Variants in FNDC3A observed in about 807,000 individuals in gnomAD.
The protein encoded by FNDC3A is fibronectin type-III domain-containing protein 3A.
FNDC3A carries 32 observed loss-of-function variants against 148.9 expected under a neutral mutation model. That is an observed-to-expected ratio of 0.21 (90% CI 0.16 to 0.29). The LOEUF is 0.29. FNDC3A is among the 10% of genes least tolerant of loss of function. The probability of loss-of-function intolerance (pLI) is 1.00; values close to 1 mark genes in which losing one functional copy is unlikely to be tolerated. For synonymous variants in FNDC3A, 472 were observed against 473.6 expected, an observed-to-expected ratio of 1.00 and a Z score of 0.04; for missense variants, 1,191 against 1,452.8, an observed-to-expected ratio of 0.82 and a Z score of 2.93.
chr13:49,037,572 AC>A (rs1212373556), intron 2 of FNDC3A, among the ~76,000 whole-genome samples: 1 of 151,922 alleles, frequency 6.6e-6, no homozygotes, highest in East Asian at 1.9e-4. Flanking sequence ...TCCACCCCCT[AC>A]CCCCTGCCAC....
intron 3 of FNDC3A, among the ~76,000 whole-genome samples, chr13:49,100,402 C>T (rs1879789609): frequency 6.6e-6 from 1 of 152,106 alleles, no homozygotes; most frequent in South Asian, 2.1e-4. Context: ...GTCACCAGAG[C>T]TCAGCCAGCC....
At chr13:49,041,175 T>C (rs1003944580) in intron 2 of FNDC3A, among the ~76,000 whole-genome samples, 3 of 152,180 alleles carry the variant, frequency 2.0e-5, no homozygotes, top group African/African-American at 4.8e-5. Context: ...GTAGCCCTGG[T>C]TTAATCTGGC....
At chr13:49,081,365 A>G (rs979423424) in intron 3 of FNDC3A, among the ~76,000 whole-genome samples, 9 of 152,218 alleles carry the variant, frequency 5.9e-5, no homozygotes, top group African/African-American at 1.9e-4. Context: ...TATGTTTTAG[A>G]CAGACAAGCA....
At chr13:49,014,955 T>C (rs1409819297) in intron 2 of FNDC3A, among the ~76,000 whole-genome samples, 1 of 150,856 alleles carries the variant, frequency 6.6e-6, no homozygotes, top group African/African-American at 2.5e-5. Flanking sequence ...TCCATTGATC[T>C]ATATCTCTGT....
intron 8 of FNDC3A, among the ~76,000 whole-genome samples, chr13:49,158,348 C>G (rs1189461415): frequency 2.0e-5 from 3 of 152,236 alleles, no homozygotes; most frequent in Admixed American, 1.3e-4. Context: ...TTGCGCTTCC[C>G]AAGTGAGGCA....
chr13:49,205,128 C>T (rs182111885), intron 25 of FNDC3A, among the ~76,000 whole-genome samples: 1 of 152,298 alleles, frequency 6.6e-6, no homozygotes, highest in East Asian at 1.9e-4. Flanking sequence ...TAATGTCACA[C>T]ACCTACAGTG....
chr13:49,038,277 T>C (rs1349915291), intron 2 of FNDC3A, among the ~76,000 whole-genome samples: 1 of 152,160 alleles, frequency 6.6e-6, no homozygotes, highest in Non-Finnish European at 1.5e-5. Flanking sequence ...CTGTTCTCAC[T>C]TAGGGCCACA....
Position 49,081,016 on chromosome 13 carries a change from C to T in FNDC3A, c.175+5652C>T, listed in dbSNP as rs77521107. 2.6e-3 allele frequency among the ~76,000 whole-genome samples: 399 copies of T among 152,168 alleles called. 10 individuals are homozygous for T. The East Asian group carries it at 0.042, about 16-fold the overall frequency. On this transcript the variant is annotated intron_variant, in intron 3 of 25. Transcript: ENST00000492622. ...CCAGCACATAGAGACTCTCAATAAA[C>T]GTTTAAGGTGAGTGAAGAAGAGAAA...
At chr13:49,202,521 C>T (rs1456400538) in intron 24 of FNDC3A, among the ~76,000 whole-genome samples, 1 of 152,124 alleles carries the variant, frequency 6.6e-6, no homozygotes, top group Non-Finnish European at 1.5e-5. Flanking sequence ...GCTGAAAAGT[C>T]TATAAAGTTA....
In FNDC3A at chr13:49,063,332, T is replaced by TA; in HGVS notation, c.100-11952dup. 2.6e-5 allele frequency among the ~76,000 whole-genome samples: 4 copies of TA among 152,200 alleles called. No individual in the cohort carries two copies. In the South Asian group the frequency reaches 8.3e-4, roughly 32 times the overall value. ...AAAAGGAAAGAAACTCTAAATATACTAAAAACATTTAGGTAAGTTTTTTTT... is the reference window on the plus strand; with the variant it reads ...AAAAGGAAAGAAACTCTAAATATACTAAAAAACATTTAGGTAAGTTTTTTTT... On this transcript the variant is annotated intron_variant, in intron 2 of 25. Coordinates refer to ENST00000492622, the MANE Select transcript of FNDC3A (RefSeq NM_001079673.2).
intron 2 of FNDC3A, among the ~76,000 whole-genome samples, chr13:49,065,538 C>A (rs544268030): frequency 6.6e-5 from 10 of 152,302 alleles, no homozygotes; most frequent in African/African-American, 2.4e-4. Context: ...TCACCTATAT[C>A]AGCCTAGAAC....
chr13:49,136,683 G>C (rs957603038), intron 6 of FNDC3A, 82 bp downstream of exon 6: 2 of 1,353,494 alleles, frequency 1.5e-6, no homozygotes, highest in Admixed American at 1.9e-5. Flanking sequence ...TAACCTTTCA[G>C]TCATTTTGTC....
chr13:49,160,923 T>C (rs1431511057), intron 8 of FNDC3A, among the ~76,000 whole-genome samples: 2 of 152,188 alleles, frequency 1.3e-5, no homozygotes, highest in Non-Finnish European at 2.9e-5. Flanking sequence ...CATGTAGTTA[T>C]GCGGTTTTGA....
At chr13:48,977,410 A>G (rs1209057594) in intron 1 of FNDC3A, among the ~76,000 whole-genome samples, 1 of 152,236 alleles carries the variant, frequency 6.6e-6, no homozygotes, top group Non-Finnish European at 1.5e-5. Context: ...CAGGAGTTTG[A>G]GCCATATGTT....
At chr13:49,136,729 G>C (rs531302785) in intron 6 of FNDC3A, 128 bp downstream of exon 6, 2 of 857,064 alleles carry the variant, frequency 2.3e-6, no homozygotes, top group Non-Finnish European at 3.5e-6. Flanking sequence ...TGCTGCTTTC[G>C]ACAGTTTGGA....
At position 49,185,949 on chromosome 13, in the gene FNDC3A, C is replaced by A; in HGVS notation, c.1618-15C>A. On this transcript the variant is annotated splice_polypyrimidine_tract_variant and intron_variant, in intron 14 of 25. Transcript: ENST00000492622. ...ATCAAGTGTATTATTTAATGTCTTT[C>A]TGTTCTCATCACAGGTTATTGCTTA... The A allele has an allele frequency of 6.2e-7, 1 of 1,600,228 alleles. No homozygotes were observed. Among genetic ancestry groups the A allele is most frequent in the Non-Finnish European group, 8.6e-7 (1 of 1,169,462 alleles).
rs1416196349 is a variant in FNDC3A, at chr13:49,136,554, A to G, written c.713A>G (p.Lys238Arg). Reference sequence around the variant, plus strand: ...ATAAACACAGGATCAGCAAAAATCAAGTCTGGGAAGGGGAAAGGTGGTACA... The same window carrying G: ...ATAAACACAGGATCAGCAAAAATCAGGTCTGGGAAGGGGAAAGGTGGTACA... ...GGINTGSAKI[K>R]SGKGKGGTQV... Residue 238 changes from lysine to arginine, a missense_variant, in exon 6 of 26, where the codon AAG becomes AGG. By Grantham distance (26) the Lys-to-Arg change is conservative (BLOSUM62 2). Around this residue, in one of 3 missense-constraint regions of FNDC3A, gnomAD observed 426 missense variants for 473.2 expected, o/e 0.90. Transcript: ENST00000492622. 3 of 1,613,976 alleles carry G rather than the reference A, an allele frequency of 1.9e-6. No individual in the cohort carries two copies. In the African/African-American group the frequency reaches 4.0e-5, roughly 22 times the overall value.
In FNDC3A at chr13:49,207,324, G is replaced by A. The variant is rs765031597; in HGVS notation, c.3526G>A (p.Val1176Ile). Reference protein sequence around the residue: ...RALSDEQCAAVILVLFAFFSI... With the variant: ...RALSDEQCAAIILVLFAFFSI... Reference sequence around the variant, plus strand: ...ACTGAGTGACGAGCAGTGTGCTGCCGTCATCCTTGTGCTGTTTGCTTTCTT... The same window carrying A: ...ACTGAGTGACGAGCAGTGTGCTGCCATCATCCTTGTGCTGTTTGCTTTCTT... Residue 1176 changes from valine (V) to isoleucine (I), a missense_variant, in exon 26 of 26, where the codon GTC (valine) becomes ATC (isoleucine). Val to Ile is a conservative substitution (Grantham distance 29). Coordinates refer to ENST00000492622, the MANE Select transcript of FNDC3A (RefSeq NM_001079673.2). The A allele has an allele frequency of 3.1e-5, 50 of 1,613,844 alleles. No homozygotes were observed. Among genetic ancestry groups the A allele is most frequent in the Admixed American group, 8.3e-5 (5 of 60,004 alleles).
chr13:49,146,444 A>G (rs1882997639), intron 8 of FNDC3A: 1 of 153,118 alleles, frequency 6.5e-6, no homozygotes, highest in African/African-American at 2.4e-5. Flanking sequence ...GTTTAAAAGT[A>G]TATTACACAC....
Sources: gnomAD v4.1 joint callset for allele counts (sites outside exome capture counted in the v4.1 genomes callset) on GRCh38, gnomAD v4.1.1 for gene constraint, gnomAD v4.1.1 regional missense constraint, MANE v1.5 for transcripts, NCBI Gene and HGNC (gene_info 2026-07-23, HGNC 2026-07-21) for gene names.